Variants in HDAC10 observed in about 807,000 individuals in gnomAD.
The protein encoded by HDAC10 is polyamine deacetylase HDAC10.
Under a neutral mutation model 82.3 loss-of-function variants are expected in HDAC10, and 90 were observed. That is an observed-to-expected ratio of 1.09 (90% CI 0.92 to 1.30). HDAC10 has a LOEUF of 1.30. HDAC10 is among the 50% of genes most tolerant of loss of function. HDAC10 has a pLI of 0.00. For synonymous variants in HDAC10, 456 were observed against 391.7 expected (o/e 1.16, Z -1.94); for missense variants, 934 against 876.3 (o/e 1.07, Z -0.83).
At position 50,248,930 on chromosome 22, in the gene HDAC10, G is replaced by C; in HGVS notation, c.757-40C>G. ...GGAGTGGGGAGGGTCGACAGAGAGG[G>C]GCTGGAGCCCAGGTGAGGGCGAGCC... On this transcript the variant is annotated intron_variant, in intron 8 of 19. Transcript: ENST00000216271. This position sits in a 1 kb window ranked among gnomAD's most constrained non-coding sequence, Gnocchi z 5.4. 2 of 1,595,162 alleles carry C rather than the reference G, an allele frequency of 1.3e-6. No individual in the cohort carries two copies. Among genetic ancestry groups the C allele is most frequent in the Non-Finnish European group, 1.7e-6 (2 of 1,170,028 alleles).
chr22:50,245,396 T>C lies in HDAC10; in HGVS notation c.*111A>G, dbSNP rs1173931638. The C allele has an allele frequency of 8.6e-6, 6 of 699,646 alleles. No homozygotes were observed. The highest frequency in any genetic ancestry group is 1.8e-5 in the African/African-American group (1 of 56,464). 43.3% of individuals were successfully genotyped at this position (699,646 alleles called of 1,614,324 possible). On this transcript the variant is annotated 3_prime_UTR_variant, in exon 20 of 20. Coordinates refer to ENST00000216271, the MANE Select transcript of HDAC10 (RefSeq NM_032019.6). The stretch of plus-strand genomic sequence containing the variant: ...GCGCGGGGATTGGGAGTGGGCGGGG[T>C]TCCGTGCCCCAGAGTCGAGGGAGCC...
chr22:50,248,295 G>A lies in HDAC10; in HGVS notation c.1014-3C>T. Reference sequence around the variant, plus strand: ...CACTCTGGATGGACTCTAGGGCACTGTGAGGGAGACACAACAGTCGTGACA... The same window carrying A: ...CACTCTGGATGGACTCTAGGGCACTATGAGGGAGACACAACAGTCGTGACA... On this transcript the variant is annotated splice_polypyrimidine_tract_variant and splice_region_variant and intron_variant, in intron 11 of 19. Coordinates refer to ENST00000216271, the MANE Select transcript of HDAC10 (RefSeq NM_032019.6). This position sits in a 1 kb window ranked among gnomAD's most constrained non-coding sequence, Gnocchi z 5.4. 1 of 1,612,400 alleles carries A rather than the reference G, an allele frequency of 6.2e-7. No homozygotes were observed. The highest frequency in any genetic ancestry group is 2.2e-5 in the East Asian group (1 of 44,874).
rs749618183 is a variant in HDAC10 at position 50,248,126 on chromosome 22, C to T, written c.1101G>A (p.Met367Ile). ...LQQQDVTAVP[M>I]SPSSHSPEGR... ...CCTCTGGGGAGTGGCTGCTGGGGCT[C>T]ATCGGCACAGCGGTCACATCTAGGG... Residue 367 changes from methionine to isoleucine, a missense_variant, in exon 13 of 20, where the codon ATG (methionine) becomes ATA (isoleucine). By Grantham distance (10) the Met-to-Ile change is conservative. Coordinates refer to ENST00000216271, the MANE Select transcript of HDAC10 (RefSeq NM_032019.6). This position sits in a 1 kb window ranked among gnomAD's most constrained non-coding sequence, Gnocchi z 5.4. 1 of 1,585,696 alleles carries T rather than the reference C, an allele frequency of 6.3e-7. No homozygotes were observed. Among genetic ancestry groups the T allele is most frequent in the African/African-American group, 1.3e-5 (1 of 74,482 alleles).
rs2065034625 is a variant in HDAC10 at position 50,249,497 on chromosome 22, C to A, written c.564-43G>T. The A allele has an allele frequency of 6.2e-7, 1 of 1,610,646 alleles. No homozygotes were observed. Among genetic ancestry groups the A allele is most frequent in the Non-Finnish European group, 8.5e-7 (1 of 1,178,676 alleles). On this transcript the variant is annotated intron_variant, in intron 6 of 19. Transcript: ENST00000216271. The surrounding 1 kb of genome is among the most constrained non-coding windows in gnomAD (Gnocchi z 4.4). Reference sequence around the variant, plus strand: ...GGGCCAGAGGTCAAAGGTCAGGACCCTCAACAGCTCTACAGCTCCCTGTAG... The same window carrying A: ...GGGCCAGAGGTCAAAGGTCAGGACCATCAACAGCTCTACAGCTCCCTGTAG...
At chr22:50,247,309 T>A (rs1465651585) in intron 14 of HDAC10, 1 of 299,500 alleles carries the variant, frequency 3.3e-6, no homozygotes, top group Non-Finnish European at 6.2e-6. Context: ...ACTTTTTTAT[T>A]TTTTGTGAAG....
chr22:50,250,433 G>T lies in HDAC10; in HGVS notation c.285C>A (p.Phe95Leu). ...TGTGTCCGGGGACACGCACCGGGTG[G>T]AAGTAGATGGCGTCGAACTGTCCGG... is the stretch of plus-strand genomic sequence containing the variant. Reference protein sequence around the residue: ...ALSGQFDAIYFHPSTFHCARL... With the variant: ...ALSGQFDAIYLHPSTFHCARL... The change falls in exon 3 of 20, where the codon TTC becomes TTA. Residue 95 changes from phenylalanine to leucine, a missense_variant. Physicochemically the swap from Phe to Leu is conservative, Grantham distance 22. Coordinates refer to ENST00000216271, the MANE Select transcript of HDAC10 (RefSeq NM_032019.6). 3 of 1,612,866 alleles carry T rather than the reference G, an allele frequency of 1.9e-6. No individual in the cohort carries two copies. Among genetic ancestry groups the T allele is most frequent in the South Asian group, 1.1e-5 (1 of 91,088 alleles).
At position 50,247,528 on chromosome 22, in the gene HDAC10, A is replaced by G. The variant is rs114491287; in HGVS notation, c.1422+164T>C. The G allele has an allele frequency of 2.6e-3, 1,439 of 553,088 alleles. 13 individuals are homozygous for G. Among genetic ancestry groups the G allele is most frequent in the African/African-American group, 0.024 (1,257 of 53,018 alleles). 34.3% of individuals were successfully genotyped at this position (553,088 alleles called of 1,614,324 possible). Reference sequence around the variant, plus strand: ...GAGGTCAGACACACTAGTGATCCCCACCCCTGGGGCTGTTCTGGGAACAGT... The same window carrying G: ...GAGGTCAGACACACTAGTGATCCCCGCCCCTGGGGCTGTTCTGGGAACAGT... On this transcript the variant is annotated intron_variant, in intron 14 of 19. Transcript: ENST00000216271.
In HDAC10 at chr22:50,249,514, T is replaced by C. The variant is rs577913362; in HGVS notation, c.564-60A>G. The C allele has an allele frequency of 2.2e-5, 36 of 1,608,030 alleles. No homozygotes were observed. In the African/African-American group the frequency reaches 4.5e-4, roughly 20 times the overall value. On this transcript the variant is annotated intron_variant, in intron 6 of 19. Transcript: ENST00000216271. The surrounding 1 kb of genome is among the most constrained non-coding windows in gnomAD (Gnocchi z 4.4). ...TCAGGACCCTCAACAGCTCTACAGC[T>C]CCCTGTAGAACGCTGACCCCTGAGC...
At position 50,251,246 on chromosome 22, in the gene HDAC10, G is replaced by C. The variant is rs968030343; in HGVS notation, c.-214C>G. 1 of 492,548 alleles carries C rather than the reference G, an allele frequency of 2.0e-6. No individual in the cohort carries two copies. Among genetic ancestry groups the C allele is most frequent in the Non-Finnish European group, 3.6e-6 (1 of 280,044 alleles). The allele number at this position is 492,548 out of a possible 1,614,324, so 30.5% of individuals were successfully genotyped here. A position where few individuals can be genotyped will look rare whatever the true frequency, so the allele number is the denominator to read the frequency against. On this transcript the variant is annotated 5_prime_UTR_variant, in exon 1 of 20. Coordinates refer to ENST00000216271, the MANE Select transcript of HDAC10 (RefSeq NM_032019.6). ...GGCACGGAGCGAGGCTGCAGTCGAA[G>C]GGGGAGGCTCCCCGCGCCTGGCTTC...
chr22:50,249,418 C>T lies in HDAC10; in HGVS notation c.600G>A (p.Gly200=). 6.2e-7 allele frequency: 1 copy of T among 1,612,698 alleles called. No individual in the cohort carries two copies. Among genetic ancestry groups the T allele is most frequent in the Non-Finnish European group, 8.5e-7 (1 of 1,179,952 alleles). The part of the protein sequence containing the change: ...LYFSWHRYEH[G]RFWPFLRESD... ...ACTCTCGCAGGAAAGGCCAGAAGCG[C>T]CCATGCTCATAGCGGTGCCAGGAGA... The change falls in exon 7 of 20, where the codon GGG becomes GGA. Residue 200 remains glycine (G), a synonymous_variant. Transcript: ENST00000216271. The surrounding 1 kb of genome is among the most constrained non-coding windows in gnomAD (Gnocchi z 4.4).
At position 50,249,968 on chromosome 22, in the gene HDAC10, C is replaced by T. The variant is rs372662230; in HGVS notation, c.390-4G>A. ...CTGGCCATGGTGCCCGGGAGGCCTA[C>T]GGCGTGAGAGTAGGATTTGGGTCAC... On this transcript the variant is annotated splice_region_variant and splice_polypyrimidine_tract_variant and intron_variant, in intron 4 of 19. Transcript: ENST00000216271. The surrounding 1 kb of genome is among the most constrained non-coding windows in gnomAD (Gnocchi z 4.4). 48 of 1,612,250 alleles carry T rather than the reference C, an allele frequency of 3.0e-5. 1 individual carries two copies. The highest frequency in any genetic ancestry group is 8.8e-5 in the South Asian group (8 of 91,064).
Position 50,246,738 on chromosome 22 carries a change from G to A in HDAC10, c.1515-3C>T, listed in dbSNP as rs2064958670. On this transcript the variant is annotated splice_polypyrimidine_tract_variant and splice_region_variant and intron_variant, in intron 15 of 19. Coordinates refer to ENST00000216271, the MANE Select transcript of HDAC10 (RefSeq NM_032019.6). Reference sequence around the variant, plus strand: ...GTCCCAGGGCCACGCACAGCAGCCTGGAAGAAGAGCTGGCCTCAGGACAGG... The same window carrying A: ...GTCCCAGGGCCACGCACAGCAGCCTAGAAGAAGAGCTGGCCTCAGGACAGG... The A allele has an allele frequency of 1.2e-6, 2 of 1,612,712 alleles. No individual in the cohort carries two copies. Among genetic ancestry groups the A allele is most frequent in the African/African-American group, 1.3e-5 (1 of 75,034 alleles).
chr22:50,247,139 T>TC (rs2064972451), intron 14 of HDAC10, 173 bp from the exon 15 acceptor site: 1 of 319,942 alleles, frequency 3.1e-6, no homozygotes, highest in Non-Finnish European at 5.7e-6. Flanking sequence ...CGTCTATAAT[T>TC]TTTTTTTTTT....
Position 50,245,302 on chromosome 22 carries a change from C to G in HDAC10, c.*205G>C. The G allele has an allele frequency of 1.7e-6, 1 of 587,968 alleles. No individual in the cohort carries two copies. Among genetic ancestry groups the G allele is most frequent in the South Asian group, 1.9e-5 (1 of 53,036 alleles). 36.4% of individuals were successfully genotyped at this position (587,968 alleles called of 1,614,324 possible). A position where few individuals can be genotyped will look rare whatever the true frequency, so the allele number is the denominator to read the frequency against. On this transcript the variant is annotated 3_prime_UTR_variant, in exon 20 of 20. Transcript: ENST00000216271. ...GGCCTCGATGGGACGGGCCGGGGCG[C>G]GATGGGTGGGGCGGGGGCGAGGTGA... is the stretch of plus-strand genomic sequence containing the variant.
chr22:50,249,296 T>C lies in HDAC10; in HGVS notation c.690+32A>G. 1 of 753,312 alleles carries C rather than the reference T, an allele frequency of 1.3e-6. No homozygotes were observed. Among genetic ancestry groups the C allele is most frequent in the South Asian group, 1.7e-5 (1 of 58,362 alleles). 46.7% of individuals were successfully genotyped at this position (753,312 alleles called of 1,614,324 possible). On this transcript the variant is annotated intron_variant, in intron 7 of 19. Coordinates refer to ENST00000216271, the MANE Select transcript of HDAC10 (RefSeq NM_032019.6). The surrounding 1 kb of genome is among the most constrained non-coding windows in gnomAD (Gnocchi z 4.4). ...GGGGAGGGGCCCAGGGGGAGGGGGC[T>C]GGGTGGGGACCTGGGGCTTGAGGGT...
chr22:50,248,791 A>G lies in HDAC10; in HGVS notation c.816+40T>C. The G allele has an allele frequency of 1.2e-6, 2 of 1,601,578 alleles. No individual in the cohort carries two copies. The highest frequency in any genetic ancestry group is 4.5e-5 in the East Asian group (2 of 44,510). Reference sequence around the variant, plus strand: ...ATGTGTGATGGGGGACCTGGGCCCCAGGACCCCAGAAGCCCTCCCTGGCAA... The same window carrying G: ...ATGTGTGATGGGGGACCTGGGCCCCGGGACCCCAGAAGCCCTCCCTGGCAA... On this transcript the variant is annotated intron_variant, in intron 9 of 19. Transcript: ENST00000216271. The surrounding 1 kb of genome is among the most constrained non-coding windows in gnomAD (Gnocchi z 5.4).
At chr22:50,250,326 T>C in intron 3 of HDAC10, 101 bp downstream of exon 3, 1 of 1,275,988 alleles carries the variant, frequency 7.8e-7, no homozygotes, top group Non-Finnish European at 1.1e-6. Context: ...GTCATGTGTA[T>C]GGACCAGGGG....
Position 50,251,193 on chromosome 22 carries a change from C to G in HDAC10, c.-161G>C. ...TGGGCGGGAGCGCACAGAACCTAGG[C>G]AGGCTCCGGGATCCCAGGCGCGCAG... On this transcript the variant is annotated 5_prime_UTR_variant, in exon 1 of 20. Transcript: ENST00000216271. The G allele has an allele frequency of 1.5e-6, 1 of 664,878 alleles. No homozygotes were observed. The highest frequency in any genetic ancestry group is 2.5e-6 in the Non-Finnish European group (1 of 403,620). 41.2% of individuals were successfully genotyped at this position (664,878 alleles called of 1,614,324 possible). A position where few individuals can be genotyped will look rare whatever the true frequency, so the allele number is the denominator to read the frequency against.
Position 50,248,989 on chromosome 22 carries a change from C to T in HDAC10, c.757-99G>A. ...CCCATCCCCTCCTGAGCACCTTCCC[C>T]AGCCACACAGGAGTGGGACAGCTCA... On this transcript the variant is annotated intron_variant, in intron 8 of 19. Coordinates refer to ENST00000216271, the MANE Select transcript of HDAC10 (RefSeq NM_032019.6). The surrounding 1 kb of genome is among the most constrained non-coding windows in gnomAD (Gnocchi z 5.4). The T allele has an allele frequency of 6.9e-7, 1 of 1,458,234 alleles. No individual in the cohort carries two copies. The highest frequency in any genetic ancestry group is 9.4e-7 in the Non-Finnish European group (1 of 1,059,228). The allele number at this position is 1,458,234 out of a possible 1,614,324, so 90.3% of individuals were successfully genotyped here.
Sources: allele counts gnomAD v4.1 joint callset, GRCh38; gene constraint gnomAD v4.1.1; non-coding constraint Gnocchi (gnomAD v3.1); transcripts MANE v1.5; gene names NCBI Gene and HGNC (gene_info 2026-07-23, HGNC 2026-07-21).